Variants in SEPTIN9 observed in about 807,000 individuals in gnomAD.
SEPTIN9 encodes septin 9.
In SEPTIN9, 13 loss-of-function variants were observed where a neutral mutation model predicts 56.6. The observed-to-expected ratio is 0.23, with a 90% CI of 0.15 to 0.37. The LOEUF (loss-of-function observed/expected upper bound fraction) is 0.37, where lower values mean the gene tolerates loss of function less well. SEPTIN9 is among the 10% of genes least tolerant of loss of function. The pLI is 1.00. For synonymous variants in SEPTIN9, 332 were observed against 334.1 expected (o/e 0.99, Z 0.07); for missense variants, 650 against 823.1 (o/e 0.79, Z 2.57).
chr17:77,467,481 C>T (rs186534037), intron 3 of SEPTIN9, among the ~76,000 whole-genome samples: 3 of 151,876 alleles, frequency 2.0e-5, no homozygotes, highest in South Asian at 2.1e-4. Context: ...GGATTAGGGT[C>T]CCTGGCTGCA....
chr17:77,489,425 G>T (rs2039933235), intron 7 of SEPTIN9, among the ~76,000 whole-genome samples: 1 of 152,152 alleles, frequency 6.6e-6, no homozygotes, highest in Admixed American at 6.5e-5. Context: ...ATGTACCCTG[G>T]CAGGTGGACT....
chr17:77,308,223 G>T (rs1488815638), intron 2 of SEPTIN9, among the ~76,000 whole-genome samples: 3 of 152,214 alleles, frequency 2.0e-5, no homozygotes, highest in Non-Finnish European at 4.4e-5. Context: ...AGACAGGCAG[G>T]GACTGTGCCT....
At chr17:77,343,522 C>G (rs1465164198) in intron 2 of SEPTIN9, among the ~76,000 whole-genome samples, 1 of 152,176 alleles carries the variant, frequency 6.6e-6, no homozygotes, top group African/African-American at 2.4e-5. Context: ...AAACTGATTT[C>G]CTGGGTTCTG....
At chr17:77,399,360 G>T (rs2035829118) in intron 2 of SEPTIN9, among the ~76,000 whole-genome samples, 1 of 152,132 alleles carries the variant, frequency 6.6e-6, no homozygotes, top group Non-Finnish European at 1.5e-5. Flanking sequence ...TCTCCAACTT[G>T]ACCGCACGGA....
intron 2 of SEPTIN9, among the ~76,000 whole-genome samples, chr17:77,388,174 C>G (rs1352783384): frequency 6.6e-6 from 1 of 152,102 alleles, no homozygotes; most frequent in African/African-American, 2.4e-5. Flanking sequence ...TTTTCAAGTT[C>G]TTAGATGGGC....
intron 1 of SEPTIN9, among the ~76,000 whole-genome samples, chr17:77,306,218 C>G (rs921998533): frequency 5.3e-5 from 8 of 152,132 alleles, no homozygotes; most frequent in African/African-American, 1.9e-4. Flanking sequence ...GCATGGTGAT[C>G]AGATACAGGG....
rs897323354 is a variant in SEPTIN9 at position 77,476,513 on chromosome 17, C to T, written c.722-5631C>T. Among the ~76,000 whole-genome samples the T allele has an allele frequency of 6.6e-6, 1 of 152,232 alleles. No individual in the cohort carries two copies. The highest frequency in any genetic ancestry group is 1.9e-4 in the East Asian group (1 of 5,202). On this transcript the variant is annotated intron_variant, in intron 3 of 11. Coordinates refer to ENST00000427177, the MANE Select transcript of SEPTIN9 (RefSeq NM_001113491.2). This position sits in a 1 kb window ranked among gnomAD's most constrained non-coding sequence, Gnocchi z 6.0. ...AGGGCTGCGTGGATTACAGCCCTTT[C>T]ATCCCTGCCTTAGACCCACCTGCAA...
At chr17:77,376,384 CTT>C in intron 2 of SEPTIN9, 2 of 985,708 alleles carry the variant, frequency 2.0e-6, no homozygotes, top group Non-Finnish European at 2.4e-6. Flanking sequence ...CACCTGGTGT[CTT>C]GGTTCCTGCA....
chr17:77,364,426 C>T (rs1598257975), intron 2 of SEPTIN9, among the ~76,000 whole-genome samples: 1 of 152,254 alleles, frequency 6.6e-6, no homozygotes, highest in Admixed American at 6.5e-5. Context: ...GGAGTGGAAG[C>T]GTCCCACTCC....
At position 77,313,954 on chromosome 17, in the gene SEPTIN9, A is replaced by C. The variant is rs376744777; in HGVS notation, c.76+6757A>C. Reference sequence around the variant, plus strand: ...GGTGACCCATGCCTGTAATCCCAGTACTTTTGGAGCCGAGGTGGGAGGATC... The same window carrying C: ...GGTGACCCATGCCTGTAATCCCAGTCCTTTTGGAGCCGAGGTGGGAGGATC... On this transcript the variant is annotated intron_variant, in intron 2 of 11. Transcript: ENST00000427177. The surrounding 1 kb of genome is among the most constrained non-coding windows in gnomAD (Gnocchi z 4.5). Among the ~76,000 whole-genome samples, 157 of 152,118 alleles carry C rather than the reference A, an allele frequency of 1.0e-3. 4 individuals are homozygous for C. The South Asian group carries it at 0.023, about 23-fold the overall frequency.
chr17:77,334,472 GGATATAAGTCCTTTATCA>G lies in SEPTIN9; in HGVS notation c.76+27282_76+27299del, dbSNP rs922401683. Among the ~76,000 whole-genome samples the G allele has an allele frequency of 1.2e-3, 182 of 150,254 alleles. 1 individual carries two copies. The highest frequency in any genetic ancestry group is 3.0e-4 in the Non-Finnish European group (20 of 67,712). On this transcript the variant is annotated intron_variant, in intron 2 of 11. Coordinates refer to ENST00000427177, the MANE Select transcript of SEPTIN9 (RefSeq NM_001113491.2). ...GTTTCATATGTTTTTTATATATTCTGGATATAAGTCCTTTATCAGATATATGTATCATAAGTTTTTTTT... is the reference window on the plus strand; with the variant it reads ...GTTTCATATGTTTTTTATATATTCTGGATATATGTATCATAAGTTTTTTTT...
intron 3 of SEPTIN9, among the ~76,000 whole-genome samples, chr17:77,427,543 G>A (rs1359422295): frequency 6.6e-6 from 1 of 152,204 alleles, no homozygotes; most frequent in Non-Finnish European, 1.5e-5. Flanking sequence ...CTGCAGGAGT[G>A]GTCACACCCC....
chr17:77,417,324 C>T (rs1200513168), intron 3 of SEPTIN9, among the ~76,000 whole-genome samples: 4 of 152,266 alleles, frequency 2.6e-5, no homozygotes, highest in Non-Finnish European at 5.9e-5. Flanking sequence ...AAGCTGTTGA[C>T]GAGTTGCACG....
At chr17:77,480,003 A>G (rs2039387150) in intron 3 of SEPTIN9, among the ~76,000 whole-genome samples, 1 of 151,904 alleles carries the variant, frequency 6.6e-6, no homozygotes, top group African/African-American at 2.4e-5. Flanking sequence ...AGCCCAGGGG[A>G]GAGTATTTCT....
chr17:77,486,507 TGTGTGTGTGTGTGTGCGCGCACGC>T (rs1256439359), intron 4 of SEPTIN9, among the ~76,000 whole-genome samples: 1 of 96,950 alleles, frequency 1.0e-5, no homozygotes, highest in Non-Finnish European at 2.0e-5. Flanking sequence ...TGTGTGTGTG[TGTGTGTGTGTGTGTGCGCGCACGC>T]GCGCGCGTGT....
intron 3 of SEPTIN9, among the ~76,000 whole-genome samples, chr17:77,443,884 C>T (rs1225133003): frequency 2.6e-5 from 4 of 152,144 alleles, no homozygotes; most frequent in Admixed American, 6.5e-5. Flanking sequence ...GGAGGTAGGG[C>T]GAGCACTTCT....
chr17:77,337,354 A>G (rs2033588577), intron 2 of SEPTIN9, among the ~76,000 whole-genome samples: 1 of 152,138 alleles, frequency 6.6e-6, no homozygotes, highest in African/African-American at 2.4e-5. Context: ...AAGAAGTCCA[A>G]CTTGCTTATG....
chr17:77,414,779 T>C (rs1418268185), intron 3 of SEPTIN9, among the ~76,000 whole-genome samples: 1 of 152,124 alleles, frequency 6.6e-6, no homozygotes, highest in African/African-American at 2.4e-5. Flanking sequence ...GGTTTCACCA[T>C]GTTGCCCAGG....
At chr17:77,357,067 C>T (rs2034277679) in intron 2 of SEPTIN9, among the ~76,000 whole-genome samples, 1 of 151,950 alleles carries the variant, frequency 6.6e-6, no homozygotes, top group Admixed American at 6.6e-5. Context: ...GACAGGCAGA[C>T]AAGGTGTCGG....
Sources: allele counts gnomAD v4.1 joint callset (sites outside exome capture counted in the v4.1 genomes callset), GRCh38; gene constraint gnomAD v4.1.1; non-coding constraint Gnocchi (gnomAD v3.1); transcripts MANE v1.5; gene names NCBI Gene and HGNC (gene_info 2026-07-23, HGNC 2026-07-21).